The following TSPAN32 variants were observed in gnomAD, a reference collection of about 807,000 sequenced individuals.
TSPAN32 encodes tetraspanin-32.
In TSPAN32, 47 loss-of-function variants were observed where a neutral mutation model predicts 42.7. That is an observed-to-expected ratio of 1.10 (90% confidence interval 0.87 to 1.40). The LOEUF (loss-of-function observed/expected upper bound fraction) is 1.40, where lower values mean the gene tolerates loss of function less well. Ranked by LOEUF, TSPAN32 falls within the 40% of genes most tolerant of loss-of-function variation. The pLI, the probability that TSPAN32 is intolerant of heterozygous loss-of-function variation, is 0.00. For synonymous variants in TSPAN32, 175 were observed against 175.9 expected, an observed-to-expected ratio of 0.99 and a Z score of 0.04; for missense variants, 469 against 424.1, an observed-to-expected ratio of 1.11 and a Z score of -0.93.
intron 6 of TSPAN32, chr11:2,315,034 A>AGCGAGGCTGGAGGGTCGGC (rs3032801): frequency 0.15 from 42,499 of 274,242 alleles, 5,948 homozygotes; most frequent in African/African-American, 0.45. Flanking sequence ...GAGGAGAAGA[A>AGCGAGGCTGGAGGGTCGGC]GTAGGCCAGG....
chr11:2,315,372 G>A (rs1401472469), intron 6 of TSPAN32: 2 of 1,146,060 alleles, frequency 1.7e-6, no homozygotes, highest in Non-Finnish European at 2.2e-6. Flanking sequence ...ATGGTGCTGG[G>A]GAGGGACCAG....
intron 6 of TSPAN32, chr11:2,315,213 C>T (rs1170023678): frequency 2.6e-6 from 3 of 1,158,174 alleles, no homozygotes; most frequent in South Asian, 3.2e-5. Flanking sequence ...CCCTCCCCTA[C>T]TGTCCTGGAA....
Position 2,313,746 on chromosome 11 carries a change from CCAGGACGTGGTGAGCGTGGGGACGGCTG to C in TSPAN32, c.448_456+19del. 1 of 1,597,536 alleles carries C rather than the reference CCAGGACGTGGTGAGCGTGGGGACGGCTG, an allele frequency of 6.3e-7. No homozygotes were observed. The highest frequency in any genetic ancestry group is 8.5e-7 in the Non-Finnish European group (1 of 1,174,496). On this transcript the variant is annotated splice_donor_variant and splice_donor_5th_base_variant and coding_sequence_variant and intron_variant, in exon 5 of 10. Transcript: ENST00000182290. LOFTEE classifies it high-confidence loss of function. This position sits in a 1 kb window ranked among gnomAD's most constrained non-coding sequence, Gnocchi z 9.1. ...TCCGGCGGCAGGAGCTGGCGGCCAT[CCAGGACGTGGTGAGCGTGGGGACGGCTG>C]GGTGGCAGGGCGGTCAGCTTCTGCT...
intron 5 of TSPAN32, among the ~76,000 whole-genome samples, chr11:2,314,166 AAAAAAAAAAAAAG>A (rs1197951208): frequency 1.3e-5 from 2 of 151,080 alleles, no homozygotes; most frequent in South Asian, 2.1e-4. Flanking sequence ...CTACTTTAAA[AAAAAAAAAAAAAG>A]AAAAGAAAAA....
Position 2,314,978 on chromosome 11 carries a change from G to T in TSPAN32, c.543+407G>T, listed in dbSNP as rs532572266. ...GTGGTGGGCTCTGTCTAGGGGGAAG[G>T]GTGCAGGCGTCCTGGGGGGCATCAG... On this transcript the variant is annotated intron_variant, in intron 6 of 9. Coordinates refer to ENST00000182290, the MANE Select transcript of TSPAN32 (RefSeq NM_139022.3). 1.4e-4 allele frequency: 41 copies of T among 296,358 alleles called. 1 individual carries two copies. The East Asian group carries it at 4.6e-3, about 33-fold the overall frequency. 18.4% of individuals were successfully genotyped at this position (296,358 alleles called of 1,614,324 possible).
Position 2,314,545 on chromosome 11 carries a change from T to C in TSPAN32, c.517T>C (p.Cys173Arg). Residue 173 changes from cysteine (C) to arginine (R), a missense_variant, in exon 6 of 10, where the codon TGT becomes CGT. Physicochemically the swap from Cys to Arg is radical, Grantham distance 180 (BLOSUM62 -3). Coordinates refer to ENST00000182290, the MANE Select transcript of TSPAN32 (RefSeq NM_139022.3). ...SRLGSTEADL[C>R]QGEEAAREDC... ...TCTGGGGAGCACAGAGGCTGACCTG[T>C]GTCAGGGAGAGGAGGCGGCGAGAGA... is the stretch of plus-strand genomic sequence containing the variant. 1 of 1,611,966 alleles carries C rather than the reference T, an allele frequency of 6.2e-7. No homozygotes were observed. The highest frequency in any genetic ancestry group is 2.2e-5 in the East Asian group (1 of 44,822).
At chr11:2,312,878 T>C (rs1489298002) in intron 4 of TSPAN32, among the ~76,000 whole-genome samples, 1 of 152,172 alleles carries the variant, frequency 6.6e-6, no homozygotes, top group African/African-American at 2.4e-5. Context: ...AAAGAGGGCC[T>C]CGCCCTGTGC....
At position 2,304,230 on chromosome 11, in the gene TSPAN32, C is replaced by T. The variant is rs767587280; in HGVS notation, c.279+26C>T. Reference sequence around the variant, plus strand: ...GTGAGTTCATTGTGTTCCCAGATGCCCAGGCCCCCAGAAAAGAATTAGAAA... The same window carrying T: ...GTGAGTTCATTGTGTTCCCAGATGCTCAGGCCCCCAGAAAAGAATTAGAAA... On this transcript the variant is annotated intron_variant, in intron 3 of 9. Transcript: ENST00000182290. The surrounding 1 kb of genome is among the most constrained non-coding windows in gnomAD (Gnocchi z 4.8). 43 of 1,459,436 alleles carry T rather than the reference C, an allele frequency of 2.9e-5. No homozygotes were observed. Among genetic ancestry groups the T allele is most frequent in the Non-Finnish European group, 3.8e-5 (41 of 1,085,266 alleles). 90.4% of individuals were successfully genotyped at this position (1,459,436 alleles called of 1,614,324 possible). A position where few individuals can be genotyped will look rare whatever the true frequency, so the allele number is the denominator to read the frequency against.
Position 2,316,563 on chromosome 11 carries a change from G to A in TSPAN32, c.628-13G>A, listed in dbSNP as rs1331714179. ...CTGGGGCAGTGGGGCAGCCGCGGGT[G>A]TCTCCCTCCCAGGTGTCCGCCTTGC... is the stretch of plus-strand genomic sequence containing the variant. On this transcript the variant is annotated splice_polypyrimidine_tract_variant and intron_variant, in intron 7 of 9. Coordinates refer to ENST00000182290, the MANE Select transcript of TSPAN32 (RefSeq NM_139022.3). 1 of 1,599,952 alleles carries A rather than the reference G, an allele frequency of 6.3e-7. No homozygotes were observed. The highest frequency in any genetic ancestry group is 2.2e-5 in the East Asian group (1 of 44,672).
Position 2,304,939 on chromosome 11 carries a change from G to C in TSPAN32, c.279+735G>C, listed in dbSNP as rs925570611. On this transcript the variant is annotated intron_variant, in intron 3 of 9. Transcript: ENST00000182290. This position sits in a 1 kb window ranked among gnomAD's most constrained non-coding sequence, Gnocchi z 4.8. ...TGGGGCAGCTCCTCCCTGGCGCCCC[G>C]GGCTCCCACCTGTCCCTCTAGCCTC... is the stretch of plus-strand genomic sequence containing the variant. Among the ~76,000 whole-genome samples the C allele has an allele frequency of 6.6e-6, 1 of 152,058 alleles. No homozygotes were observed. Among genetic ancestry groups the C allele is most frequent in the Non-Finnish European group, 1.5e-5 (1 of 68,004 alleles).
chr11:2,306,290 C>G (rs1206948853), intron 3 of TSPAN32, among the ~76,000 whole-genome samples: 2 of 152,172 alleles, frequency 1.3e-5, no homozygotes, highest in African/African-American at 2.4e-5. Context: ...CCGGCCTCTC[C>G]CCTAGCTGGC....
Position 2,313,039 on chromosome 11 carries a change from G to T in TSPAN32, c.355-615G>T, listed in dbSNP as rs564138060. Among the ~76,000 whole-genome samples, 1 of 152,182 alleles carries T rather than the reference G, an allele frequency of 6.6e-6. No homozygotes were observed. Among genetic ancestry groups the T allele is most frequent in the East Asian group, 1.9e-4 (1 of 5,156 alleles). Reference sequence around the variant, plus strand: ...TCCAGGTGTTGGTGAGGTGTGGAGCGCAGGCAGCACATCCAGCCAGGCCCC... The same window carrying T: ...TCCAGGTGTTGGTGAGGTGTGGAGCTCAGGCAGCACATCCAGCCAGGCCCC... On this transcript the variant is annotated intron_variant, in intron 4 of 9. Coordinates refer to ENST00000182290, the MANE Select transcript of TSPAN32 (RefSeq NM_139022.3). This position sits in a 1 kb window ranked among gnomAD's most constrained non-coding sequence, Gnocchi z 9.1.
chr11:2,317,220 C>A lies in TSPAN32; in HGVS notation c.720-124C>A, dbSNP rs1202484881. 4 of 741,850 alleles carry A rather than the reference C, an allele frequency of 5.4e-6. No homozygotes were observed. The Admixed American group carries it at 7.4e-5, about 14-fold the overall frequency. The allele number at this position is 741,850 out of a possible 1,614,324, so 46.0% of individuals were successfully genotyped here. On this transcript the variant is annotated intron_variant, in intron 8 of 9. Transcript: ENST00000182290. This position sits in a 1 kb window ranked among gnomAD's most constrained non-coding sequence, Gnocchi z 6.2. ...GTCCCCCTAGAACATTCCACAGCAG[C>A]TCCATAATCCCCTCCAGAACATTCT... is the stretch of plus-strand genomic sequence containing the variant.
Position 2,306,477 on chromosome 11 carries a change from C to T in TSPAN32, c.280-2259C>T, listed in dbSNP as rs111729001. 7.9e-5 allele frequency among the ~76,000 whole-genome samples: 12 copies of T among 152,076 alleles called. 1 individual carries two copies. Among genetic ancestry groups the T allele is most frequent in the African/African-American group, 2.7e-4 (11 of 41,490 alleles). ...CCAGCAGCCTCTGATGGTGAAGGCCCTGGGGAGGTCTGGGTGGGCCCATCC... is the reference window on the plus strand; with the variant it reads ...CCAGCAGCCTCTGATGGTGAAGGCCTTGGGGAGGTCTGGGTGGGCCCATCC... On this transcript the variant is annotated intron_variant, in intron 3 of 9. Transcript: ENST00000182290.
In TSPAN32 at chr11:2,308,753, C is replaced by T. The variant is rs774603549; in HGVS notation, c.297C>T (p.Ser99=). The part of the protein sequence containing the change: ...GLMAGGFLCF[S]LAFCAQVQVV... ...GCCCCCAGGGCTTCCTGTGCTTCTC[C>T]CTGGCGTTCTGCGCACAGGTGCAGG... Residue 99 remains serine (S), a synonymous_variant, in exon 4 of 10, where the codon TCC becomes TCT. Coordinates refer to ENST00000182290, the MANE Select transcript of TSPAN32 (RefSeq NM_139022.3). The T allele has an allele frequency of 5.7e-6, 9 of 1,575,298 alleles. No homozygotes were observed. In the African/African-American group the frequency reaches 1.1e-4, roughly 19 times the overall value.
chr11:2,303,115 G>T (rs1213557296), intron 2 of TSPAN32, 157 bp downstream of exon 2: 4 of 640,696 alleles, frequency 6.2e-6, no homozygotes, highest in Non-Finnish European at 1.1e-5. Context: ...TGGAGTCCTA[G>T]CTCCCCTGGG....
intron 3 of TSPAN32, among the ~76,000 whole-genome samples, chr11:2,306,460 C>T (rs1447781886): frequency 6.6e-6 from 1 of 152,010 alleles, no homozygotes; most frequent in Admixed American, 6.6e-5. Context: ...ACCCAGCAGC[C>T]TCTGATGGTG....
intron 4 of TSPAN32, among the ~76,000 whole-genome samples, chr11:2,311,762 T>C (rs887296472): frequency 1.3e-5 from 2 of 152,128 alleles, no homozygotes; most frequent in Admixed American, 6.5e-5. Flanking sequence ...CGGAGCTTAG[T>C]GCGTTGATAC....
rs1286569746 is a variant in TSPAN32, at chr11:2,304,664, G to T, written c.279+460G>T. Among the ~76,000 whole-genome samples the T allele has an allele frequency of 1.3e-5, 2 of 151,998 alleles. No homozygotes were observed. Among genetic ancestry groups the T allele is most frequent in the East Asian group, 3.9e-4 (2 of 5,168 alleles). On this transcript the variant is annotated intron_variant, in intron 3 of 9. Transcript: ENST00000182290. The surrounding 1 kb of genome is among the most constrained non-coding windows in gnomAD (Gnocchi z 4.8). ...CAGGAAACGCCCCTTGAGCTCTCCA[G>T]CCTGGGCTCTCCGGAGCTGCACACT...
Sources: gnomAD v4.1 joint callset for allele counts (sites outside exome capture counted in the v4.1 genomes callset) on GRCh38, gnomAD v4.1.1 for gene constraint, Gnocchi (gnomAD v3.1) non-coding constraint, MANE v1.5 for transcripts, NCBI Gene and HGNC (gene_info 2026-07-23, HGNC 2026-07-21) for gene names.